The following SNX9 variants were observed in gnomAD, a reference collection of about 807,000 sequenced individuals.
The protein encoded by SNX9 is sorting nexin 9.
SNX9 carries 44 observed loss-of-function variants against 89.4 expected under a neutral mutation model. The observed-to-expected ratio is 0.49, with a 90% CI of 0.39 to 0.63. The LOEUF (loss-of-function observed/expected upper bound fraction) is 0.63, where lower values mean the gene tolerates loss of function less well. SNX9 is among the 30% of genes least tolerant of loss of function. The pLI, the probability that SNX9 is intolerant of heterozygous loss-of-function variation, is 0.00. For synonymous variants in SNX9, 236 were observed against 247.8 expected (o/e 0.95, Z 0.45); for missense variants, 578 against 736.1 (o/e 0.79, Z 2.49).
At chr6:157,928,504 A>G in intron 11 of SNX9, 95 bp from the exon 12 acceptor site, 8 of 927,488 alleles carry the variant, frequency 8.6e-6, no homozygotes, top group Non-Finnish European at 1.3e-5. Flanking sequence ...TTATCATGCA[A>G]GAAAACAAGT....
chr6:157,939,178 G>A (rs990172499), intron 16 of SNX9, among the ~76,000 whole-genome samples: 2 of 152,098 alleles, frequency 1.3e-5, no homozygotes, highest in African/African-American at 4.8e-5. Flanking sequence ...AGGTTTGAGT[G>A]TTTTTGAGCA....
chr6:157,839,478 A>G (rs1309829942), intron 1 of SNX9, among the ~76,000 whole-genome samples: 1 of 152,240 alleles, frequency 6.6e-6, no homozygotes, highest in East Asian at 1.9e-4. Context: ...AGTTATTAAT[A>G]CATTACTTTG....
At chr6:157,826,945 ATATAT>A (rs1204850165) in intron 1 of SNX9, among the ~76,000 whole-genome samples, 1 of 45,148 alleles carries the variant, frequency 2.2e-5, no homozygotes, top group East Asian at 3.7e-4. Flanking sequence ...AATATATAAA[ATATAT>A]TATAGTTTAT....
At chr6:157,899,251 T>C (rs1470685760) in intron 5 of SNX9, among the ~76,000 whole-genome samples, 1 of 152,152 alleles carries the variant, frequency 6.6e-6, no homozygotes, top group Non-Finnish European at 1.5e-5. Flanking sequence ...CTTTTTAATG[T>C]CCCCCTCGTT....
rs1303579106 is a variant in SNX9 at position 157,921,576 on chromosome 6, A to G, written c.995A>G (p.Gln332Arg). Residue 332 changes from glutamine (Q) to arginine (R), a missense_variant, in exon 10 of 18, where the codon CAG becomes CGG. Physicochemically the swap from Gln to Arg is conservative, Grantham distance 43. This residue lies in a region of SNX9 where 348 missense variants were observed against 491.4 expected (regional missense o/e 0.71). Transcript: ENST00000392185. Reference sequence around the variant, plus strand: ...ATCAAAATGCGCATGGAGAGACTTCAGGCCTGGATGACCAGGATGTGTCGC... The same window carrying G: ...ATCAAAATGCGCATGGAGAGACTTCGGGCCTGGATGACCAGGATGTGTCGC... ...EFIKMRMERL[Q>R]AWMTRMCRHP... The G allele has an allele frequency of 6.2e-7, 1 of 1,614,146 alleles. No homozygotes were observed.
intron 16 of SNX9, among the ~76,000 whole-genome samples, chr6:157,940,452 C>G (rs1202264277): frequency 6.6e-6 from 1 of 152,228 alleles, no homozygotes; most frequent in Non-Finnish European, 1.5e-5. Context: ...CAGTCTCGCT[C>G]TGTCACCCAG....
intron 17 of SNX9, among the ~76,000 whole-genome samples, chr6:157,942,573 A>G (rs996966216): frequency 3.9e-5 from 6 of 152,194 alleles, no homozygotes; most frequent in African/African-American, 1.4e-4. Context: ...TCCCGGCGGG[A>G]AGGGACCACC....
At chr6:157,837,796 G>A (rs537793553) in intron 1 of SNX9, among the ~76,000 whole-genome samples, 143 of 152,210 alleles carry the variant, frequency 9.4e-4, no homozygotes, top group Non-Finnish European at 1.6e-3. Flanking sequence ...CTAAATAAGA[G>A]AAGGGCAGCA....
chr6:157,901,849 T>G, intron 5 of SNX9, 49 bp from the exon 6 acceptor site: 1 of 1,558,722 alleles, frequency 6.4e-7, no homozygotes, highest in Non-Finnish European at 8.6e-7. Context: ...CATTTTTATT[T>G]TGGTCTTTTT....
intron 1 of SNX9, among the ~76,000 whole-genome samples, chr6:157,835,073 C>T (rs1219698867): frequency 1.3e-5 from 2 of 151,472 alleles, no homozygotes; most frequent in Non-Finnish European, 1.5e-5. Context: ...AGTGCAGTGG[C>T]ATGATCTCAG....
At chr6:157,897,785 G>A (rs1027706813) in intron 5 of SNX9, among the ~76,000 whole-genome samples, 30 of 152,158 alleles carry the variant, frequency 2.0e-4, no homozygotes, top group Non-Finnish European at 3.8e-4. Flanking sequence ...CAAAGTGCTG[G>A]GATTACAGGT....
At chr6:157,918,202 G>A (rs1783513342) in intron 9 of SNX9, among the ~76,000 whole-genome samples, 1 of 151,842 alleles carries the variant, frequency 6.6e-6, no homozygotes, top group African/African-American at 2.4e-5. Context: ...TTGAGTATCG[G>A]GTATTGAAAT....
chr6:157,842,828 C>T (rs1781729104), intron 1 of SNX9, among the ~76,000 whole-genome samples: 1 of 152,162 alleles, frequency 6.6e-6, no homozygotes, highest in Non-Finnish European at 1.5e-5. Context: ...GAGGTTCAGA[C>T]TCTTGGAGCC....
chr6:157,925,238 G>A (rs537028988), intron 10 of SNX9, among the ~76,000 whole-genome samples: 5 of 152,280 alleles, frequency 3.3e-5, no homozygotes, highest in Middle Eastern at 3.4e-3. Context: ...ATCAACAACA[G>A]ATGTGTAGAA....
intron 4 of SNX9, among the ~76,000 whole-genome samples, chr6:157,880,406 C>T (rs961658059): frequency 1.0e-4 from 15 of 150,654 alleles, no homozygotes; most frequent in African/African-American, 3.4e-4. Flanking sequence ...CGTGTAGATT[C>T]CCTTATAAAG....
intron 4 of SNX9, among the ~76,000 whole-genome samples, chr6:157,891,659 C>T (rs1245990795): frequency 6.6e-6 from 1 of 152,160 alleles, no homozygotes; most frequent in Non-Finnish European, 1.5e-5. Flanking sequence ...GAGCTGTCCC[C>T]GTGATTCACT....
chr6:157,938,632 G>T lies in SNX9; in HGVS notation c.1534-1G>T. 6.3e-7 allele frequency: 1 copy of T among 1,598,740 alleles called. No individual in the cohort carries two copies. The highest frequency in any genetic ancestry group is 1.1e-5 in the South Asian group (1 of 90,680). ...ATACTGTTGCATTTTATATTTCACA[G>T]GGAGCAATAGAAAAAGTGAAAGAAA... is the stretch of plus-strand genomic sequence containing the variant. On this transcript the variant is annotated splice_acceptor_variant, in intron 15 of 17. Coordinates refer to ENST00000392185, the MANE Select transcript of SNX9 (RefSeq NM_016224.5). LOFTEE classifies it high-confidence loss of function.
Position 157,826,794 on chromosome 6 carries a change from ATATATTATATTTT to A in SNX9, c.12+3349_12+3361del, listed in dbSNP as rs1258006276. Among the ~76,000 whole-genome samples the A allele has an allele frequency of 2.0e-4, 21 of 104,502 alleles. 1 individual carries two copies. The highest frequency in any genetic ancestry group is 9.3e-4 in the African/African-American group (18 of 19,364). The allele number at this position is 104,502 out of a possible 152,430, so 68.6% of individuals were successfully genotyped here. ...TATATAAATATATTATATTATATAT[ATATATTATATTTT>A]ATATATAAATATATATTATATTTTA... On this transcript the variant is annotated intron_variant, in intron 1 of 17. Transcript: ENST00000392185.
In SNX9 at chr6:157,855,632, ATTCTT is replaced by A. The variant is rs372324135; in HGVS notation, c.13-11909_13-11905del. Among the ~76,000 whole-genome samples, 116 of 152,312 alleles carry A rather than the reference ATTCTT, an allele frequency of 7.6e-4. 1 individual carries two copies. The highest frequency in any genetic ancestry group is 2.0e-3 in the African/African-American group (82 of 41,574). On this transcript the variant is annotated intron_variant, in intron 1 of 17. Transcript: ENST00000392185. ...AGTACAGTTTTACATTTTAAAAACCATTCTTTTCTTACTGACTCGTACTCTTTATA... is the reference window on the plus strand; with the variant it reads ...AGTACAGTTTTACATTTTAAAAACCATTCTTACTGACTCGTACTCTTTATA...
Sources: gnomAD v4.1 joint callset for allele counts (sites outside exome capture counted in the v4.1 genomes callset) on GRCh38, gnomAD v4.1.1 for gene constraint, gnomAD v4.1.1 regional missense constraint, MANE v1.5 for transcripts, NCBI Gene and HGNC (gene_info 2026-07-23, HGNC 2026-07-21) for gene names.